The following SUN3 variants were observed in gnomAD, a reference collection of about 807,000 sequenced individuals.
The protein encoded by SUN3 is Sad1 and UNC84 domain containing 3, also known as SUN domain-containing protein 3.
Under a neutral mutation model 48.2 loss-of-function variants are expected in SUN3, and 36 were observed. The observed-to-expected ratio is 0.75, with a 90% CI of 0.57 to 0.99. The LOEUF (loss-of-function observed/expected upper bound fraction) is 0.99, where lower values mean the gene tolerates loss of function less well. SUN3 is among the 50% of genes least tolerant of loss of function. SUN3 has a pLI of 0.00. For missense variants in SUN3, 419 were observed against 433.1 expected (o/e 0.97, Z 0.29); for synonymous variants, 148 against 147.9 (o/e 1.00, Z 0.00).
At chr7:47,996,802 C>CTTTT (rs35247146) in intron 6 of SUN3, among the ~76,000 whole-genome samples, 6 of 135,362 alleles carry the variant, frequency 4.4e-5, no homozygotes, top group Admixed American at 7.6e-5. Flanking sequence ...TTCTTTCCTT[C>CTTTT]TTTTTTTTTT....
chr7:48,018,872 T>G (rs754573522), intron 2 of SUN3, among the ~76,000 whole-genome samples: 5 of 152,056 alleles, frequency 3.3e-5, no homozygotes, highest in Non-Finnish European at 5.9e-5. Context: ...AGACAAAAAC[T>G]TTATATCAGC....
At chr7:47,995,441 C>G (rs1468363937) in intron 7 of SUN3, among the ~76,000 whole-genome samples, 3 of 152,066 alleles carry the variant, frequency 2.0e-5, no homozygotes, top group African/African-American at 7.2e-5. Context: ...TAAACTACAG[C>G]CTGGAATAAG....
chr7:48,022,484 T>C (rs1019998364), intron 2 of SUN3, among the ~76,000 whole-genome samples: 3 of 152,134 alleles, frequency 2.0e-5, no homozygotes, highest in African/African-American at 7.2e-5. Context: ...CTTCATGATA[T>C]GATTATTTCA....
intron 2 of SUN3, among the ~76,000 whole-genome samples, chr7:48,020,749 C>T (rs185531981): frequency 1.1e-4 from 16 of 151,834 alleles, no homozygotes; most frequent in East Asian, 3.9e-4. Context: ...ATCTCTACAA[C>T]GAAAACTATA....
chr7:48,018,717 T>A (rs1019133366), intron 2 of SUN3: 1 of 152,100 alleles, frequency 6.6e-6, no homozygotes, highest in Non-Finnish European at 1.5e-5. Flanking sequence ...AAGAGGGAAA[T>A]CTGAATTCTA....
rs144086442 is a variant in SUN3, at chr7:48,020,421, A to G, written c.185-3056T>C. Among the ~76,000 whole-genome samples, 519 of 152,348 alleles carry G rather than the reference A, an allele frequency of 3.4e-3. 6 individuals are homozygous for G. Among genetic ancestry groups the G allele is most frequent in the African/African-American group, 0.012 (488 of 41,590 alleles). On this transcript the variant is annotated intron_variant, in intron 2 of 9. Transcript: ENST00000297325. ...GACCTGGAACACGACAAGGTTGCTCACTTTCACCACTGCTATTCAACATAG... is the reference window on the plus strand; with the variant it reads ...GACCTGGAACACGACAAGGTTGCTCGCTTTCACCACTGCTATTCAACATAG...
At chr7:48,006,302 C>T (rs950344242) in intron 5 of SUN3, among the ~76,000 whole-genome samples, 3 of 152,098 alleles carry the variant, frequency 2.0e-5, no homozygotes, top group Non-Finnish European at 4.4e-5. Flanking sequence ...CAAGGTCACA[C>T]AGCACCGTGG....
intron 2 of SUN3, among the ~76,000 whole-genome samples, chr7:48,019,950 T>A (rs534689102): frequency 1.5e-5 from 2 of 129,358 alleles, no homozygotes; most frequent in Admixed American, 1.8e-4. Context: ...AGTATTACCT[T>A]GATATGAAAA....
rs748210421 is a variant in SUN3 at position 47,988,775 on chromosome 7, G to A, written c.954+13C>T. On this transcript the variant is annotated intron_variant, in intron 9 of 9. Coordinates refer to ENST00000297325, the MANE Select transcript of SUN3 (RefSeq NM_001030019.2). ...ATAGAGCTACTCATATCATTTCCCAGAGCATACATTACCTGGAGTTCAAAT... is the reference window on the plus strand; with the variant it reads ...ATAGAGCTACTCATATCATTTCCCAAAGCATACATTACCTGGAGTTCAAAT... 7.7e-6 allele frequency: 12 copies of A among 1,549,234 alleles called. No homozygotes were observed. Among genetic ancestry groups the A allele is most frequent in the Admixed American group, 7.0e-5 (4 of 57,348 alleles).
At chr7:48,005,732 T>C (rs1189968769) in intron 6 of SUN3, among the ~76,000 whole-genome samples, 1 of 152,130 alleles carries the variant, frequency 6.6e-6, no homozygotes, top group East Asian at 1.9e-4. Flanking sequence ...TTCTTGGTGG[T>C]TCTTTTAGAT....
At chr7:48,006,475 C>T (rs1176992823) in intron 5 of SUN3, among the ~76,000 whole-genome samples, 1 of 152,190 alleles carries the variant, frequency 6.6e-6, no homozygotes, top group Non-Finnish European at 1.5e-5. Context: ...ACACAGACTA[C>T]ATGATTGCTT....
At chr7:48,011,677 G>A (rs1268540927) in intron 3 of SUN3, among the ~76,000 whole-genome samples, 1 of 152,152 alleles carries the variant, frequency 6.6e-6, no homozygotes, top group Non-Finnish European at 1.5e-5. Flanking sequence ...AGAGTTCCAT[G>A]AAAAATAAAA....
intron 3 of SUN3, among the ~76,000 whole-genome samples, chr7:48,009,735 G>T (rs1050928781): frequency 4.6e-5 from 7 of 152,190 alleles, no homozygotes; most frequent in African/African-American, 1.7e-4. Context: ...GACACAACAT[G>T]TGGCTTCAGA....
chr7:48,035,734 G>A, the SUN3 span: 1 of 586,856 alleles, frequency 1.7e-6, no homozygotes, highest in South Asian at 2.0e-5. The surrounding 1 kb of genome is among the most constrained non-coding windows in gnomAD (Gnocchi z 4.0). Flanking sequence ...CGGGGCTGGA[G>A]GGAGGGGACC....
chr7:48,005,897 G>T (rs1789511513), intron 6 of SUN3, 72 bp downstream of exon 6: 18 of 868,164 alleles, frequency 2.1e-5, no homozygotes, highest in South Asian at 3.6e-5. Context: ...ATAAACAAAT[G>T]TAGAGAATAG....
chr7:48,000,313 T>C (rs566281227), intron 6 of SUN3: 12 of 152,366 alleles, frequency 7.9e-5, no homozygotes, highest in Admixed American at 2.6e-4. Context: ...AATGTTTCTA[T>C]TTTTAGTAGA....
intron 1 of SUN3, among the ~76,000 whole-genome samples, chr7:48,027,354 C>G (rs1396483979): frequency 6.6e-6 from 1 of 152,134 alleles, no homozygotes; most frequent in Non-Finnish European, 1.5e-5. Context: ...GTATGTATTT[C>G]ATTTAAGTGT....
chr7:48,013,752 C>T (rs570826363), intron 3 of SUN3, among the ~76,000 whole-genome samples: 12 of 152,164 alleles, frequency 7.9e-5, no homozygotes, highest in African/African-American at 1.9e-4. Flanking sequence ...TGCCTGTAAT[C>T]GCTTGAGCTC....
At chr7:47,994,624 G>C (rs906625809) in intron 7 of SUN3, 142 bp from the exon 8 acceptor site, 6 of 775,796 alleles carry the variant, frequency 7.7e-6, no homozygotes, top group Non-Finnish European at 1.2e-5. Flanking sequence ...TAGTGTGGTT[G>C]TTCTTCCAGA....
Sources: allele counts gnomAD v4.1 joint callset (sites outside exome capture counted in the v4.1 genomes callset), GRCh38; gene constraint gnomAD v4.1.1; non-coding constraint Gnocchi (gnomAD v3.1); transcripts MANE v1.5; gene names NCBI Gene and HGNC (gene_info 2026-07-23, HGNC 2026-07-21).